Variants in SLC24A3 observed in about 807,000 individuals in gnomAD.
SLC24A3 encodes the protein sodium/potassium/calcium exchanger 3.
In SLC24A3, 28 loss-of-function variants were observed where a neutral mutation model predicts 75.8. That is an observed-to-expected ratio of 0.37 (90% CI 0.27 to 0.51). SLC24A3 has a LOEUF of 0.51. Among genes scored for constraint, SLC24A3 ranks in the 20% least tolerant of loss-of-function variants. The pLI is 0.94. For synonymous variants in SLC24A3, 372 were observed against 334.1 expected, an observed-to-expected ratio of 1.11 and a Z score of -1.24; for missense variants, 663 against 847.8, an observed-to-expected ratio of 0.78 and a Z score of 2.71.
chr20:19,539,220 A>G (rs1165115548), intron 3 of SLC24A3, among the ~76,000 whole-genome samples: 2 of 152,226 alleles, frequency 1.3e-5, no homozygotes, highest in African/African-American at 4.8e-5. Context: ...TAATACGTCC[A>G]TTCCAATTAG....
chr20:19,351,826 A>C (rs576997402), intron 2 of SLC24A3, among the ~76,000 whole-genome samples: 24 of 152,292 alleles, frequency 1.6e-4, no homozygotes, highest in African/African-American at 5.8e-4. Context: ...AAATGCCTTC[A>C]TCTGGGATGC....
intron 7 of SLC24A3, among the ~76,000 whole-genome samples, chr20:19,654,374 T>C (rs2032241108): frequency 6.6e-6 from 1 of 152,118 alleles, no homozygotes; most frequent in Non-Finnish European, 1.5e-5. Context: ...TGAGAGTCCA[T>C]GGCTGTTCTC....
intron 2 of SLC24A3, among the ~76,000 whole-genome samples, chr20:19,484,298 T>A (rs1430162646): frequency 2.6e-5 from 4 of 152,204 alleles, no homozygotes; most frequent in Non-Finnish European, 4.4e-5. Context: ...CTAAAGGTTA[T>A]TTTTTGTAAA....
chr20:19,414,482 T>C (rs1986795548), intron 2 of SLC24A3, among the ~76,000 whole-genome samples: 1 of 152,182 alleles, frequency 6.6e-6, no homozygotes, highest in Non-Finnish European at 1.5e-5. Context: ...ACATGGTATG[T>C]GTGTAAAGAG....
At chr20:19,512,800 G>A (rs1029148874) in intron 2 of SLC24A3, among the ~76,000 whole-genome samples, 7 of 152,196 alleles carry the variant, frequency 4.6e-5, no homozygotes, top group African/African-American at 1.4e-4. Context: ...TATTGATCAC[G>A]GAGGAAGCTT....
chr20:19,240,974 GC>G (rs907103696), intron 1 of SLC24A3, among the ~76,000 whole-genome samples: 1 of 152,214 alleles, frequency 6.6e-6, no homozygotes, highest in African/African-American at 2.4e-5. Flanking sequence ...GGCATTGGCA[GC>G]AAGTGCCACG....
At chr20:19,358,598 T>G (rs764144457) in intron 2 of SLC24A3, among the ~76,000 whole-genome samples, 2 of 152,236 alleles carry the variant, frequency 1.3e-5, no homozygotes, top group Non-Finnish European at 2.9e-5. Context: ...TTCACAGACT[T>G]ATATCTTCCT....
At chr20:19,584,518 G>C (rs577272245) in intron 4 of SLC24A3, among the ~76,000 whole-genome samples, 23 of 152,232 alleles carry the variant, frequency 1.5e-4, no homozygotes, top group Non-Finnish European at 2.8e-4. Flanking sequence ...AGAATATCTG[G>C]CCACACTGAG....
chr20:19,463,056 T>G (rs1987704503), intron 2 of SLC24A3, among the ~76,000 whole-genome samples: 1 of 152,204 alleles, frequency 6.6e-6, no homozygotes, highest in African/African-American at 2.4e-5. Context: ...CCCAAGGACT[T>G]CTATGTAAGT....
chr20:19,384,931 C>T (rs1265236205), intron 2 of SLC24A3, among the ~76,000 whole-genome samples: 4 of 152,056 alleles, frequency 2.6e-5, no homozygotes, highest in Non-Finnish European at 5.9e-5. Context: ...AGACATTTTT[C>T]TTGTATACCT....
In SLC24A3 at chr20:19,515,572, C is replaced by G; in HGVS notation, c.348+8C>G. 1.9e-6 allele frequency: 3 copies of G among 1,613,998 alleles called. No homozygotes were observed. The highest frequency in any genetic ancestry group is 2.5e-6 in the Non-Finnish European group (3 of 1,179,886). ...GTCCTCCATGTGCTCTGTGTAAGTACCCCTCTGTGCCTCTGCCTGGAGGGT... is the reference window on the plus strand; with the variant it reads ...GTCCTCCATGTGCTCTGTGTAAGTAGCCCTCTGTGCCTCTGCCTGGAGGGT... On this transcript the variant is annotated splice_region_variant and intron_variant, in intron 3 of 16. Transcript: ENST00000328041.
At chr20:19,620,986 T>G (rs564610519) in intron 6 of SLC24A3, among the ~76,000 whole-genome samples, 2 of 152,350 alleles carry the variant, frequency 1.3e-5, no homozygotes, top group Non-Finnish European at 2.9e-5. Flanking sequence ...CTCTCCAAGC[T>G]GCCAGATTCT....
chr20:19,403,376 A>G (rs542429938), intron 2 of SLC24A3, among the ~76,000 whole-genome samples: 3 of 152,320 alleles, frequency 2.0e-5, no homozygotes, highest in East Asian at 3.9e-4. Flanking sequence ...GATCACAAAT[A>G]AAAGTCAATG....
intron 3 of SLC24A3, among the ~76,000 whole-genome samples, chr20:19,554,354 C>G (rs575070170): frequency 2.6e-5 from 4 of 151,782 alleles, no homozygotes; most frequent in Non-Finnish European, 5.9e-5. Context: ...AAATTTTTTT[C>G]ATTGCATATG....
intron 2 of SLC24A3, among the ~76,000 whole-genome samples, chr20:19,504,940 G>A (rs1321407837): frequency 6.6e-6 from 1 of 152,202 alleles, no homozygotes; most frequent in Non-Finnish European, 1.5e-5. Context: ...CATTATTCAT[G>A]AGATTGCTGT....
intron 1 of SLC24A3, among the ~76,000 whole-genome samples, chr20:19,266,579 T>C (rs565044973): frequency 6.6e-6 from 1 of 152,332 alleles, no homozygotes; most frequent in Admixed American, 6.5e-5. Context: ...GGACTGTTTA[T>C]CCAATCACAA....
chr20:19,713,134 T>C (rs1321350), intron 15 of SLC24A3, among the ~76,000 whole-genome samples: 113,914 of 152,158 alleles, frequency 0.75, 42,910 homozygotes, highest in East Asian at 0.96. Context: ...GACCCATGAA[T>C]TGTGAATGAA....
chr20:19,635,923 A>G (rs4814874), intron 6 of SLC24A3, among the ~76,000 whole-genome samples: 96,981 of 151,898 alleles, frequency 0.64, 31,770 homozygotes, highest in African/African-American at 0.75. Flanking sequence ...GGTGGATCAC[A>G]AGGTCAGGAG....
chr20:19,247,020 T>A (rs933071486), intron 1 of SLC24A3, among the ~76,000 whole-genome samples: 9 of 152,312 alleles, frequency 5.9e-5, no homozygotes, highest in Non-Finnish European at 8.8e-5. Flanking sequence ...ATAATCAGCG[T>A]AATAAGTCAT....
Sources: allele counts gnomAD v4.1 joint callset (sites outside exome capture counted in the v4.1 genomes callset), GRCh38; gene constraint gnomAD v4.1.1; transcripts MANE v1.5; gene names NCBI Gene and HGNC (gene_info 2026-07-23, HGNC 2026-07-21).